The following WNT3A variants were observed in gnomAD, a reference collection of about 807,000 sequenced individuals.
The protein encoded by WNT3A is protein Wnt-3a.
WNT3A carries 17 observed loss-of-function variants against 37.0 expected under a neutral mutation model. The ratio of observed to expected loss-of-function variants is 0.46; its 90% CI spans 0.31 to 0.69. WNT3A has a LOEUF of 0.69. Ranked by LOEUF, WNT3A falls within the 30% of genes least tolerant of loss-of-function variation. The pLI is 0.05. For synonymous variants in WNT3A, 187 were observed against 211.0 expected (o/e 0.89, Z 0.99); for missense variants, 411 against 510.2 (o/e 0.81, Z 1.87).
Position 228,059,348 on chromosome 1 carries a change from CG to C in WNT3A, c.944del (p.Gly315AlafsTer53). ...GCTGCGACCTGCTGTGCTGCGGCCG[CG>C]GCCACAACGCGCGAGCGGAGCGGCG... ...DGCDLLCCGR[G>X]HNARAERRRE... On this transcript the variant is annotated frameshift_variant, in exon 4 of 4. Coordinates refer to ENST00000284523, the MANE Select transcript of WNT3A (RefSeq NM_033131.4). LOFTEE classifies it high-confidence loss of function. 6.4e-7 allele frequency: 1 copy of C among 1,566,452 alleles called. No individual in the cohort carries two copies. The highest frequency in any genetic ancestry group is 1.1e-5 in the South Asian group (1 of 87,134).
chr1:228,007,276 C>T lies in WNT3A; in HGVS notation c.71+77C>T, dbSNP rs560806680. 7 of 1,442,898 alleles carry T rather than the reference C, an allele frequency of 4.9e-6. No individual in the cohort carries two copies. The African/African-American group carries it at 7.3e-5, about 15-fold the overall frequency. The allele number at this position is 1,442,898 out of a possible 1,614,324, so 89.4% of individuals were successfully genotyped here. ...CAGACGGTCCCCTCGGGCAGGGACC[C>T]CGCGGTGGCCCGAGCCCGCGCCCTT... On this transcript the variant is annotated intron_variant, in intron 1 of 3. Coordinates refer to ENST00000284523, the MANE Select transcript of WNT3A (RefSeq NM_033131.4). The surrounding 1 kb of genome is among the most constrained non-coding windows in gnomAD (Gnocchi z 6.0).
In WNT3A at chr1:228,031,456, G is replaced by A. The variant is rs1215273290; in HGVS notation, c.313+8548G>A. Among the ~76,000 whole-genome samples, 3 of 152,160 alleles carry A rather than the reference G, an allele frequency of 2.0e-5. No homozygotes were observed. The highest frequency in any genetic ancestry group is 1.3e-4 in the Admixed American group (2 of 15,280). ...AGGGTGCACAGGAGTCAGGTCCCAG[G>A]GCCGTGCAGCTCATCGAGCGTGTCC... On this transcript the variant is annotated intron_variant, in intron 2 of 3. Transcript: ENST00000284523. The surrounding 1 kb of genome is among the most constrained non-coding windows in gnomAD (Gnocchi z 4.8).
In WNT3A at chr1:228,031,985, G is replaced by A. The variant is rs1262865007; in HGVS notation, c.313+9077G>A. The stretch of plus-strand genomic sequence containing the variant: ...CCTGCTTGGAGCCATACCAGGTGAT[G>A]GAGGAAGGCTGTGCTGCATGGGGTC... On this transcript the variant is annotated intron_variant, in intron 2 of 3. Transcript: ENST00000284523. The surrounding 1 kb of genome is among the most constrained non-coding windows in gnomAD (Gnocchi z 4.8). Among the ~76,000 whole-genome samples the A allele has an allele frequency of 1.3e-5, 2 of 152,178 alleles. No homozygotes were observed. The highest frequency in any genetic ancestry group is 2.9e-5 in the Non-Finnish European group (2 of 68,024).
chr1:228,055,609 T>C (rs902803720), intron 3 of WNT3A, among the ~76,000 whole-genome samples: 1 of 152,018 alleles, frequency 6.6e-6, no homozygotes, highest in Admixed American at 6.6e-5. Flanking sequence ...AACAAAACTT[T>C]GAAAGCTAAA....
At chr1:228,054,643 A>G (rs1336181023) in intron 3 of WNT3A, among the ~76,000 whole-genome samples, 167 of 150,658 alleles carry the variant, frequency 1.1e-3, no homozygotes, top group African/African-American at 3.5e-3. Context: ...AAAAAAAAAA[A>G]AAAGAAAACA....
In WNT3A at chr1:228,042,390, T is replaced by A. The variant is rs1434575076; in HGVS notation, c.314-8266T>A. ...TCATTAGGGACTCTCAGATCCTGGA[T>A]GGATGGATGGATGATGGATGGATGG... On this transcript the variant is annotated intron_variant, in intron 2 of 3. Transcript: ENST00000284523. This position sits in a 1 kb window ranked among gnomAD's most constrained non-coding sequence, Gnocchi z 5.2. 6.6e-6 allele frequency among the ~76,000 whole-genome samples: 1 copy of A among 152,090 alleles called. No homozygotes were observed. The highest frequency in any genetic ancestry group is 2.4e-5 in the African/African-American group (1 of 41,424).
chr1:228,047,063 G>C (rs544274781), intron 2 of WNT3A, among the ~76,000 whole-genome samples: 2 of 152,284 alleles, frequency 1.3e-5, no homozygotes, highest in Non-Finnish European at 1.5e-5. Flanking sequence ...ACCTGGGAAG[G>C]CCACAGCAGC....
intron 3 of WNT3A, among the ~76,000 whole-genome samples, chr1:228,054,241 T>C (rs1308961002): frequency 2.6e-5 from 4 of 152,190 alleles, no homozygotes; most frequent in Non-Finnish European, 4.4e-5. Context: ...GGTACTCCCA[T>C]ACACCTGGAA....
chr1:228,021,771 G>A lies in WNT3A; in HGVS notation c.72-896G>A, dbSNP rs1432259660. Among the ~76,000 whole-genome samples, 6 of 152,330 alleles carry A rather than the reference G, an allele frequency of 3.9e-5. No individual in the cohort carries two copies. The South Asian group carries it at 1.2e-3, about 32-fold the overall frequency. On this transcript the variant is annotated intron_variant, in intron 1 of 3. Coordinates refer to ENST00000284523, the MANE Select transcript of WNT3A (RefSeq NM_033131.4). ...CTGCGCTGGGTCACGCCTACATCCC[G>A]GAAGCCAGGCCTCCTCCTCCAATCC...
chr1:228,019,266 G>A (rs1224798949), intron 1 of WNT3A, among the ~76,000 whole-genome samples: 1 of 152,194 alleles, frequency 6.6e-6, no homozygotes, highest in Admixed American at 6.5e-5. Context: ...CCGGCTCCAT[G>A]CTGGTCATAG....
chr1:228,024,113 C>G (rs751017932), intron 2 of WNT3A, among the ~76,000 whole-genome samples: 1 of 152,196 alleles, frequency 6.6e-6, no homozygotes. Context: ...CTTGGACATG[C>G]ATGTGTTTGA....
chr1:228,036,464 G>A (rs746913468), intron 2 of WNT3A, among the ~76,000 whole-genome samples: 6 of 152,112 alleles, frequency 3.9e-5, no homozygotes, highest in African/African-American at 9.7e-5. Context: ...CCCATCTGCC[G>A]TCCACCTGGC....
chr1:228,058,415 T>G lies in WNT3A; in HGVS notation c.580-571T>G, dbSNP rs377621821. Among the ~76,000 whole-genome samples the G allele has an allele frequency of 5.6e-4, 86 of 152,348 alleles. 3 individuals carry two copies. In the South Asian group the frequency reaches 0.014, roughly 24 times the overall value. On this transcript the variant is annotated intron_variant, in intron 3 of 3. Coordinates refer to ENST00000284523, the MANE Select transcript of WNT3A (RefSeq NM_033131.4). ...AGGGAAAAGAAGCTGAGTTCTACAC[T>G]GCCCATAGGGGAAACCGTTCGCTCC...
chr1:228,055,219 T>TATATACACACAC lies in WNT3A; in HGVS notation c.580-3766_580-3765insTATACACACACA, dbSNP rs1422386068. On this transcript the variant is annotated intron_variant, in intron 3 of 3. Coordinates refer to ENST00000284523, the MANE Select transcript of WNT3A (RefSeq NM_033131.4). ...ATATATATATATATATATATATATA[T>TATATACACACAC]ACACACACACAATAGATTTGGAAAA... 3.0e-5 allele frequency among the ~76,000 whole-genome samples: 3 copies of TATATACACACAC among 98,468 alleles called. No individual in the cohort carries two copies. In the East Asian group the frequency reaches 1.0e-3, roughly 33 times the overall value. The allele number at this position is 98,468 out of a possible 152,430, so 64.6% of individuals were successfully genotyped here.
At chr1:228,024,601 T>G (rs2030809317) in intron 2 of WNT3A, among the ~76,000 whole-genome samples, 1 of 152,222 alleles carries the variant, frequency 6.6e-6, no homozygotes. Flanking sequence ...AATATTTCTC[T>G]CTCATCGTGT....
At chr1:228,023,195 A>C (rs1159840794) in intron 2 of WNT3A, among the ~76,000 whole-genome samples, 1 of 152,216 alleles carries the variant, frequency 6.6e-6, no homozygotes, top group Non-Finnish European at 1.5e-5. Flanking sequence ...GAGCCAGGGC[A>C]CAGGCCAGGC....
At chr1:228,011,495 C>G (rs1373198445) in intron 1 of WNT3A, among the ~76,000 whole-genome samples, 1 of 152,150 alleles carries the variant, frequency 6.6e-6, no homozygotes, top group African/African-American at 2.4e-5. Context: ...CTCCATATCT[C>G]CATACCTTTG....
intron 2 of WNT3A, among the ~76,000 whole-genome samples, chr1:228,030,773 T>C (rs2030982259): frequency 6.6e-6 from 1 of 152,212 alleles, no homozygotes; most frequent in South Asian, 2.1e-4. Context: ...TCTCCTGTAG[T>C]AATTCCCACA....
intron 1 of WNT3A, among the ~76,000 whole-genome samples, chr1:228,010,595 C>T (rs1251458272): frequency 6.6e-6 from 1 of 152,222 alleles, no homozygotes; most frequent in African/African-American, 2.4e-5. Context: ...CCTGCTCTCC[C>T]TCTCAGGCCG....
Sources: gnomAD v4.1 joint callset for allele counts (sites outside exome capture counted in the v4.1 genomes callset) on GRCh38, gnomAD v4.1.1 for gene constraint, Gnocchi (gnomAD v3.1) non-coding constraint, MANE v1.5 for transcripts, NCBI Gene and HGNC (gene_info 2026-07-23, HGNC 2026-07-21) for gene names.